FARP2: variants seen among roughly 807,000 people sequenced by gnomAD.
FARP2 encodes FERM, ARH/RhoGEF and pleckstrin domain protein 2.
In FARP2, 111 loss-of-function variants were observed where a neutral mutation model predicts 130.5. The ratio of observed to expected loss-of-function variants is 0.85; its 90% CI spans 0.73 to 1.00. The LOEUF is 1.00. Among genes scored for constraint, FARP2 ranks in the 50% least tolerant of loss-of-function variants. The pLI is 0.00. For missense variants in FARP2, 1,385 were observed against 1,346.3 expected (o/e 1.03, Z -0.45); for synonymous variants, 504 against 516.9 (o/e 0.98, Z 0.34).
chr2:241,418,141 A>G (rs766645666), intron 8 of FARP2, 32 bp downstream of exon 8: 2 of 1,611,444 alleles, frequency 1.2e-6, no homozygotes, highest in African/African-American at 1.3e-5. Flanking sequence ...GGGTGAGAAC[A>G]GGGCAGGGGA....
intron 8 of FARP2, among the ~76,000 whole-genome samples, chr2:241,423,547 CA>C (rs1408324264): frequency 6.6e-6 from 1 of 152,172 alleles, no homozygotes; most frequent in Non-Finnish European, 1.5e-5. Flanking sequence ...AAAGCAACCA[CA>C]AAAACAAGTC....
At chr2:241,416,854 A>G (rs2062685905) in intron 7 of FARP2, among the ~76,000 whole-genome samples, 1 of 152,170 alleles carries the variant, frequency 6.6e-6, no homozygotes, top group East Asian at 1.9e-4. Context: ...GCTTGCAGTG[A>G]GCCAAGATTA....
Position 241,494,284 on chromosome 2 carries a change from G to C in FARP2, c.*159G>C. ...GTGGGCCTCATGTAACATCTGGGAG[G>C]GGCTTCATCCCCCCACCCAGGACCT... On this transcript the variant is annotated 3_prime_UTR_variant, in exon 27 of 27. Transcript: ENST00000264042. This position sits in a 1 kb window ranked among gnomAD's most constrained non-coding sequence, Gnocchi z 4.9. 2 of 428,014 alleles carry C rather than the reference G, an allele frequency of 4.7e-6. No individual in the cohort carries two copies. Among genetic ancestry groups the C allele is most frequent in the Non-Finnish European group, 4.2e-6 (1 of 237,636 alleles). The allele number at this position is 428,014 out of a possible 1,614,324, so 26.5% of individuals were successfully genotyped here.
At chr2:241,388,274 T>C (rs988556828) in intron 2 of FARP2, among the ~76,000 whole-genome samples, 2 of 152,214 alleles carry the variant, frequency 1.3e-5, no homozygotes, top group Non-Finnish European at 2.9e-5. Context: ...AAATAAGCCC[T>C]TACATTTATG....
intron 1 of FARP2, among the ~76,000 whole-genome samples, chr2:241,372,056 A>G (rs891336624): frequency 6.6e-6 from 1 of 151,852 alleles, no homozygotes; most frequent in Admixed American, 6.6e-5. Context: ...ATGGAAAAAT[A>G]AAATCTACAG....
chr2:241,389,344 A>G (rs1045797004), intron 2 of FARP2, among the ~76,000 whole-genome samples: 2 of 152,216 alleles, frequency 1.3e-5, no homozygotes, highest in Admixed American at 1.3e-4. Flanking sequence ...AAGAAGAGAC[A>G]TAAGGGAATT....
intron 7 of FARP2, among the ~76,000 whole-genome samples, chr2:241,415,738 G>A (rs1439588769): frequency 1.3e-5 from 2 of 152,214 alleles, no homozygotes; most frequent in African/African-American, 4.8e-5. Flanking sequence ...TGCCAAGAGA[G>A]CATGTTTTAG....
intron 13 of FARP2, chr2:241,445,743 C>T (rs957955510): frequency 6.6e-6 from 1 of 152,198 alleles, no homozygotes; most frequent in African/African-American, 2.4e-5. Flanking sequence ...GTGAAAGTGC[C>T]TGCAAAATAT....
In FARP2 at chr2:241,356,333, A is replaced by G. The variant is rs578115837; in HGVS notation, c.-80A>G. The G allele has an allele frequency of 6.6e-6, 1 of 152,448 alleles. No homozygotes were observed. Among genetic ancestry groups the G allele is most frequent in the South Asian group, 2.0e-4 (1 of 4,980 alleles). 9.4% of individuals were successfully genotyped at this position (152,448 alleles called of 1,614,324 possible). On this transcript the variant is annotated 5_prime_UTR_variant, in exon 1 of 27. Transcript: ENST00000264042. ...GCGAGTCTGGCGGCTGCTGCTTGCGACTGCGGAGGCCGGGCGAGGCCGGTG... is the reference window on the plus strand; with the variant it reads ...GCGAGTCTGGCGGCTGCTGCTTGCGGCTGCGGAGGCCGGGCGAGGCCGGTG...
intron 5 of FARP2, among the ~76,000 whole-genome samples, chr2:241,408,556 A>AT (rs2062427735): frequency 6.8e-6 from 1 of 147,194 alleles, no homozygotes. Context: ...AAAAAAAAAA[A>AT]GAAAATATTA....
intron 18 of FARP2, among the ~76,000 whole-genome samples, chr2:241,474,838 A>AATAAATAAATAG (rs1286652929): frequency 7.3e-5 from 11 of 149,782 alleles, no homozygotes; most frequent in South Asian, 4.2e-4. Context: ...TAAATAAATA[A>AATAAATAAATAG]AAAGAAAGAA....
chr2:241,434,388 C>A, intron 10 of FARP2, 67 bp downstream of exon 10: 2 of 1,179,946 alleles, frequency 1.7e-6, no homozygotes, highest in Admixed American at 2.8e-5. Flanking sequence ...ATAGGTAATT[C>A]CTAGTCAAGA....
At chr2:241,393,558 TTAAG>T (rs1167928542) in intron 2 of FARP2, among the ~76,000 whole-genome samples, 2 of 152,156 alleles carry the variant, frequency 1.3e-5, no homozygotes, top group African/African-American at 4.8e-5. Context: ...AATAAAAATC[TTAAG>T]TAATGAAACT....
In FARP2 at chr2:241,456,904, C is replaced by T. The variant is rs376390945; in HGVS notation, c.1569C>T (p.Cys523=). Residue 523 remains cysteine (C), a synonymous_variant, in exon 14 of 27, where the codon TGC becomes TGT. Coordinates refer to ENST00000264042, the MANE Select transcript of FARP2 (RefSeq NM_014808.4). The stretch of plus-strand genomic sequence containing the variant: ...ATGCTGGCGGAGCCGGGATGGACTG[C>T]GAGGAGCCCAGACACAAGGTGGGCC... ...LSDAGGAGMD[C]EEPRHKRVPA... 153 of 1,601,992 alleles carry T rather than the reference C, an allele frequency of 9.6e-5. No individual in the cohort carries two copies. Among genetic ancestry groups the T allele is most frequent in the Middle Eastern group, 6.7e-4 (4 of 6,006 alleles).
chr2:241,458,424 ACT>A (rs1490989098), intron 14 of FARP2, among the ~76,000 whole-genome samples: 2 of 152,086 alleles, frequency 1.3e-5, no homozygotes, highest in East Asian at 3.9e-4. Context: ...GGATGCTGGG[ACT>A]CTCAGCAGGT....
chr2:241,479,920 A>T (rs768729210), intron 19 of FARP2, among the ~76,000 whole-genome samples: 1 of 152,104 alleles, frequency 6.6e-6, no homozygotes, highest in South Asian at 2.1e-4. Flanking sequence ...CCACTCTCTC[A>T]TTTTCTTTGT....
At chr2:241,476,614 G>A (rs568767317) in intron 19 of FARP2, among the ~76,000 whole-genome samples, 67 of 152,224 alleles carry the variant, frequency 4.4e-4, no homozygotes, top group Admixed American at 7.2e-4. Flanking sequence ...GCTTGAACCC[G>A]GGAGGTGGAG....
At chr2:241,393,030 T>C (rs894876962) in intron 2 of FARP2, among the ~76,000 whole-genome samples, 3 of 151,800 alleles carry the variant, frequency 2.0e-5, no homozygotes, top group Admixed American at 2.0e-4. Context: ...TTTTTCTCTC[T>C]CTTTTTTGAG....
intron 12 of FARP2, among the ~76,000 whole-genome samples, chr2:241,440,044 G>C (rs1559771819): frequency 1.3e-5 from 2 of 152,164 alleles, no homozygotes; most frequent in Non-Finnish European, 2.9e-5. Context: ...TATTGAATAT[G>C]GTTGAATAAT....
Sources: gnomAD v4.1 joint callset for allele counts (sites outside exome capture counted in the v4.1 genomes callset) on GRCh38, gnomAD v4.1.1 for gene constraint, Gnocchi (gnomAD v3.1) non-coding constraint, MANE v1.5 for transcripts, NCBI Gene and HGNC (gene_info 2026-07-23, HGNC 2026-07-21) for gene names.